DDHD1: variants seen among roughly 807,000 people sequenced by gnomAD.
DDHD1 encodes DDHD domain containing 1.
A neutral mutation model predicts 96.4 loss-of-function variants in DDHD1; 49 were observed. That is an observed-to-expected ratio of 0.51 (90% CI 0.40 to 0.64). DDHD1 has a LOEUF of 0.64. DDHD1 is among the 30% of genes least tolerant of loss of function. The probability of loss-of-function intolerance (pLI) is 0.00; values close to 1 mark genes in which losing one functional copy is unlikely to be tolerated. For missense variants in DDHD1, 1,106 were observed against 1,161.2 expected, an observed-to-expected ratio of 0.95 and a Z score of 0.69; for synonymous variants, 442 against 446.5, an observed-to-expected ratio of 0.99 and a Z score of 0.13.
chr14:53,094,551 A>G (rs1203988166), intron 2 of DDHD1, among the ~76,000 whole-genome samples: 2 of 149,048 alleles, frequency 1.3e-5, no homozygotes, highest in African/African-American at 5.0e-5. Flanking sequence ...AAGAAAACTA[A>G]AAAATTAGCT....
At chr14:53,097,036 A>C (rs1886942203) in intron 2 of DDHD1, among the ~76,000 whole-genome samples, 1 of 151,992 alleles carries the variant, frequency 6.6e-6, no homozygotes, top group Non-Finnish European at 1.5e-5. Flanking sequence ...TTTATATTTT[A>C]AGTAAGCAAT....
In DDHD1 at chr14:53,141,932, T is replaced by C. The variant is rs981328211; in HGVS notation, c.838+10329A>G. Reference sequence around the variant, plus strand: ...AATACAACAGGTTTACCACGTATTTTTTTTTAATTCCCAGAAGATAGGCTT... The same window carrying C: ...AATACAACAGGTTTACCACGTATTTCTTTTTAATTCCCAGAAGATAGGCTT... On this transcript the variant is annotated intron_variant, in intron 1 of 12. Coordinates refer to ENST00000673822, the MANE Select transcript of DDHD1 (RefSeq NM_001160148.2). Among the ~76,000 whole-genome samples the C allele has an allele frequency of 7.2e-5, 11 of 152,336 alleles. No individual in the cohort carries two copies. The East Asian group carries it at 2.1e-3, about 29-fold the overall frequency.
intron 10 of DDHD1, 44 bp downstream of exon 10, chr14:53,055,616 A>C (rs1882977933): frequency 6.3e-7 from 1 of 1,585,778 alleles, no homozygotes; most frequent in South Asian, 1.1e-5. Flanking sequence ...TATGTCTAGG[A>C]AAGTGCTTAT....
At chr14:53,073,720 T>C (rs779063478) in intron 5 of DDHD1, 21 bp downstream of exon 5, 7 of 1,576,586 alleles carry the variant, frequency 4.4e-6, no homozygotes, top group Non-Finnish European at 6.0e-6. Context: ...GCTAAATCAT[T>C]CAATTTTTAA....
At chr14:53,093,259 T>A in intron 3 of DDHD1, 57 bp downstream of exon 3, 2 of 1,535,480 alleles carry the variant, frequency 1.3e-6, no homozygotes, top group Non-Finnish European at 1.8e-6. Flanking sequence ...ATTTTGAATA[T>A]GAGAGAAAGT....
rs1470535810 is a variant in DDHD1 at position 53,040,899 on chromosome 14, C to G, written c.*5869G>C. On this transcript the variant is annotated 3_prime_UTR_variant, in exon 13 of 13. Coordinates refer to ENST00000673822, the MANE Select transcript of DDHD1 (RefSeq NM_001160148.2). ...GGTCTCAGGAGAGTTATGGTGCCAG[C>G]TGCTTCTGAGAAATGTCCCTATGAG... The G allele has an allele frequency of 6.6e-6, 1 of 152,084 alleles. No individual in the cohort carries two copies. The highest frequency in any genetic ancestry group is 1.5e-5 in the Non-Finnish European group (1 of 68,018). The allele number at this position is 152,084 out of a possible 1,614,324, so 9.4% of individuals were successfully genotyped here.
chr14:53,047,623 G>A (rs1243363617), intron 12 of DDHD1, among the ~76,000 whole-genome samples: 2 of 152,164 alleles, frequency 1.3e-5, no homozygotes, highest in East Asian at 1.9e-4. Flanking sequence ...AAACAGGGAG[G>A]AGCAGTGGTG....
intron 4 of DDHD1, among the ~76,000 whole-genome samples, chr14:53,077,683 A>ATTTT (rs1566543441): frequency 6.7e-6 from 1 of 149,192 alleles, no homozygotes; most frequent in African/African-American, 2.5e-5. Context: ...TTTTTTTTTA[A>ATTTT]AAAACAATTG....
rs1231509529 is a variant in DDHD1, at chr14:53,148,544, C to T, written c.838+3717G>A. Among the ~76,000 whole-genome samples the T allele has an allele frequency of 7.2e-5, 11 of 152,122 alleles. No individual in the cohort carries two copies. In the East Asian group the frequency reaches 2.1e-3, roughly 29 times the overall value. The stretch of plus-strand genomic sequence containing the variant: ...GCCAGGCTGGTCTCGAACTCCTGAT[C>T]TCAGGTGATCCACCCACCTCAGCCT... On this transcript the variant is annotated intron_variant, in intron 1 of 12. Transcript: ENST00000673822.
chr14:53,088,763 C>G (rs374215349), intron 4 of DDHD1, among the ~76,000 whole-genome samples: 42 of 152,220 alleles, frequency 2.8e-4, no homozygotes, highest in East Asian at 2.7e-3. Flanking sequence ...ACTGGCACAA[C>G]ACAGGGATGC....
intron 1 of DDHD1, among the ~76,000 whole-genome samples, chr14:53,106,097 T>C (rs1051765825): frequency 1.3e-5 from 2 of 152,188 alleles, no homozygotes; most frequent in African/African-American, 4.8e-5. Flanking sequence ...ATTACCTATA[T>C]TGTGGAGAAT....
intron 1 of DDHD1, among the ~76,000 whole-genome samples, chr14:53,120,130 T>C (rs1030135734): frequency 1.3e-5 from 2 of 152,076 alleles, no homozygotes; most frequent in Non-Finnish European, 2.9e-5. Context: ...TGTGCAAAAA[T>C]CACAAGCATT....
At chr14:53,051,606 T>C (rs1227974820) in intron 12 of DDHD1, among the ~76,000 whole-genome samples, 1 of 152,016 alleles carries the variant, frequency 6.6e-6, no homozygotes, top group Non-Finnish European at 1.5e-5. Context: ...TCCTTCTTTG[T>C]AGAAGTATAC....
At chr14:53,054,741 T>C (rs753735992) in intron 10 of DDHD1, 112 bp from the exon 11 acceptor site, 213 of 990,612 alleles carry the variant, frequency 2.2e-4, no homozygotes, top group Admixed American at 4.1e-4. Flanking sequence ...CCTAGTCATG[T>C]TTTTCCAGGG....
intron 6 of DDHD1, among the ~76,000 whole-genome samples, chr14:53,066,556 C>T (rs1884035380): frequency 6.6e-6 from 1 of 152,166 alleles, no homozygotes; most frequent in Non-Finnish European, 1.5e-5. Flanking sequence ...GTGACTTAGT[C>T]CTAATCATTC....
At chr14:53,149,348 A>C (rs1891196997) in intron 1 of DDHD1, among the ~76,000 whole-genome samples, 1 of 152,176 alleles carries the variant, frequency 6.6e-6, no homozygotes, top group African/African-American at 2.4e-5. Flanking sequence ...ATTTTTTTTC[A>C]AACACTTTTA....
intron 4 of DDHD1, among the ~76,000 whole-genome samples, chr14:53,084,666 G>T (rs1182315743): frequency 6.6e-6 from 1 of 152,178 alleles, no homozygotes; most frequent in Non-Finnish European, 1.5e-5. Context: ...TTCCAAGATG[G>T]TCAAATAGGA....
chr14:53,149,939 T>C (rs1440112374), intron 1 of DDHD1: 1 of 152,210 alleles, frequency 6.6e-6, no homozygotes, highest in Non-Finnish European at 1.5e-5. Context: ...GGTTCCTCAT[T>C]ACTCGCAGGA....
At chr14:53,093,474 G>A in intron 2 of DDHD1, 30 bp from the exon 3 acceptor site, 1 of 1,597,710 alleles carries the variant, frequency 6.3e-7, no homozygotes, top group Non-Finnish European at 8.5e-7. Flanking sequence ...CTAATTTGAA[G>A]GTCTCCAAGA....
Sources: allele counts gnomAD v4.1 joint callset (sites outside exome capture counted in the v4.1 genomes callset), GRCh38; gene constraint gnomAD v4.1.1; transcripts MANE v1.5; gene names NCBI Gene and HGNC (gene_info 2026-07-23, HGNC 2026-07-21).